The following PLCB4 variants were observed in gnomAD, a reference collection of about 807,000 sequenced individuals.
PLCB4 encodes 1-phosphatidylinositol 4,5-bisphosphate phosphodiesterase beta-4.
Under a neutral mutation model 178.8 loss-of-function variants are expected in PLCB4, and 77 were observed. The ratio of observed to expected loss-of-function variants is 0.43; its 90% CI spans 0.36 to 0.52. The LOEUF (loss-of-function observed/expected upper bound fraction) is 0.52, where lower values mean the gene tolerates loss of function less well. PLCB4 is among the 20% of genes least tolerant of loss of function. The pLI is 0.00. For synonymous variants in PLCB4, 496 were observed against 490.8 expected, an observed-to-expected ratio of 1.01 and a Z score of -0.14; for missense variants, 1,024 against 1,453.4, an observed-to-expected ratio of 0.70 and a Z score of 4.80.
In PLCB4 at chr20:9,419,918, C is replaced by G. The variant is rs199598049; in HGVS notation, c.2154+9C>G. 718 of 1,541,338 alleles carry G rather than the reference C, an allele frequency of 4.7e-4. No individual in the cohort carries two copies. The highest frequency in any genetic ancestry group is 6.0e-4 in the Non-Finnish European group (668 of 1,113,728). On this transcript the variant is annotated intron_variant, in intron 26 of 39. Coordinates refer to ENST00000378473, the MANE Select transcript of PLCB4 (RefSeq NM_001377142.1). ...CCACTTGCTCAGTGCAGGTAAGGCC[C>G]CTGCTCATCACAAGGTAGTATAAAT...
At position 9,425,051 on chromosome 20, in the gene PLCB4, T is replaced by TAA. The variant is rs397830384; in HGVS notation, c.2524+1110_2524+1111dup. ...CTTCCTCCTTCTCCTTTGTCTTTCA[T>TAA]AAAAAAAAAAAAGGAAGCACATTAG... On this transcript the variant is annotated intron_variant, in intron 28 of 39. Transcript: ENST00000378473. 7.7e-3 allele frequency among the ~76,000 whole-genome samples: 1,033 copies of TAA among 133,904 alleles called. 10 individuals are homozygous for TAA. Among genetic ancestry groups the TAA allele is most frequent in the African/African-American group, 0.026 (956 of 37,110 alleles). 87.8% of individuals were successfully genotyped at this position (133,904 alleles called of 152,430 possible). A position where few individuals can be genotyped will look rare whatever the true frequency, so the allele number is the denominator to read the frequency against.
chr20:9,179,688 A>G (rs1210766404), intron 2 of PLCB4, among the ~76,000 whole-genome samples: 10 of 152,168 alleles, frequency 6.6e-5, no homozygotes, highest in Admixed American at 5.9e-4. Context: ...GGCAGTCTAG[A>G]CTTGTGGGCA....
At chr20:9,248,677 C>G (rs562866067) in intron 3 of PLCB4, among the ~76,000 whole-genome samples, 1 of 152,270 alleles carries the variant, frequency 6.6e-6, no homozygotes, top group South Asian at 2.1e-4. Context: ...TTTTAACACA[C>G]TGAGAACTAT....
chr20:9,071,433 C>T (rs893842908), intron 1 of PLCB4, among the ~76,000 whole-genome samples: 2 of 152,158 alleles, frequency 1.3e-5, no homozygotes, highest in Non-Finnish European at 2.9e-5. Context: ...ACCTCACCCT[C>T]TAAGTAAAAT....
In PLCB4 at chr20:9,116,148, CGT is replaced by C. The variant is rs913318688; in HGVS notation, c.-79+19821_-79+19822del. ...GATATTGTATCCGTGTGTGTGTGCG[CGT>C]GTGTGTGTGTGTGTATGGCTTCAAA... is the stretch of plus-strand genomic sequence containing the variant. On this transcript the variant is annotated intron_variant, in intron 2 of 39. Coordinates refer to ENST00000378473, the MANE Select transcript of PLCB4 (RefSeq NM_001377142.1). Among the ~76,000 whole-genome samples the C allele has an allele frequency of 3.8e-3, 573 of 150,558 alleles. 3 individuals are homozygous for C. Among genetic ancestry groups the C allele is most frequent in the African/African-American group, 0.011 (459 of 41,036 alleles).
intron 3 of PLCB4, among the ~76,000 whole-genome samples, chr20:9,291,720 T>C (rs2094581273): frequency 6.6e-6 from 1 of 152,122 alleles, no homozygotes; most frequent in South Asian, 2.1e-4. Context: ...TAAATGACCT[T>C]GTGTGAGATT....
intron 9 of PLCB4, among the ~76,000 whole-genome samples, chr20:9,367,296 C>A (rs1470655481): frequency 6.6e-6 from 1 of 152,068 alleles, no homozygotes; most frequent in Non-Finnish European, 1.5e-5. Flanking sequence ...TTATTGAGGG[C>A]TTGTTGAGTC....
chr20:9,080,645 C>G (rs1389562735), intron 1 of PLCB4, among the ~76,000 whole-genome samples: 1 of 152,134 alleles, frequency 6.6e-6, no homozygotes, highest in African/African-American at 2.4e-5. Context: ...CTCTGGAGGT[C>G]TCTACATTGC....
At chr20:9,350,651 C>T (rs574010711) in intron 7 of PLCB4, among the ~76,000 whole-genome samples, 5 of 152,274 alleles carry the variant, frequency 3.3e-5, no homozygotes, top group South Asian at 2.1e-4. Context: ...CTCTGCCTCC[C>T]GGGTTCAAGT....
chr20:9,169,555 C>A (rs2093029920), intron 2 of PLCB4, among the ~76,000 whole-genome samples: 1 of 151,672 alleles, frequency 6.6e-6, no homozygotes, highest in Admixed American at 6.6e-5. Context: ...TGCCACTGCG[C>A]TCCAGCCTGG....
intron 1 of PLCB4, among the ~76,000 whole-genome samples, chr20:9,071,588 A>G (rs1310433245): frequency 2.0e-5 from 3 of 152,200 alleles, no homozygotes; most frequent in Admixed American, 6.5e-5. Flanking sequence ...TTTCAGATGT[A>G]GCTGGAAAAC....
chr20:9,143,151 CT>C lies in PLCB4; in HGVS notation c.-79+46811del, dbSNP rs146147091. Among the ~76,000 whole-genome samples, 581 of 152,198 alleles carry C rather than the reference CT, an allele frequency of 3.8e-3. 11 individuals carry two copies. The East Asian group carries it at 0.05, about 13-fold the overall frequency. ...CCTGTGACTTGTACCTGTCCCTTTC[CT>C]TACTTTAGTCTTTTTCCTCCATAAC... On this transcript the variant is annotated intron_variant, in intron 2 of 39. Transcript: ENST00000378473.
At chr20:9,080,295 AC>A (rs1303116771) in intron 1 of PLCB4, among the ~76,000 whole-genome samples, 1 of 152,188 alleles carries the variant, frequency 6.6e-6, no homozygotes, top group African/African-American at 2.4e-5. Context: ...TCCTGAATGA[AC>A]AAGCAATGGA....
chr20:9,182,136 C>T (rs182739178), intron 2 of PLCB4, among the ~76,000 whole-genome samples: 1 of 152,278 alleles, frequency 6.6e-6, no homozygotes, highest in African/African-American at 2.4e-5. Context: ...TGATCATTAG[C>T]TGGAGTGGTT....
intron 1 of PLCB4, among the ~76,000 whole-genome samples, chr20:9,095,383 A>G (rs2090865665): frequency 6.6e-6 from 1 of 152,100 alleles, no homozygotes; most frequent in South Asian, 2.1e-4. Context: ...TCTATATATC[A>G]TTATCCCCAT....
chr20:9,386,171 G>A (rs2037639432), intron 14 of PLCB4, among the ~76,000 whole-genome samples: 1 of 151,992 alleles, frequency 6.6e-6, no homozygotes, highest in Non-Finnish European at 1.5e-5. Flanking sequence ...GAGAACCACG[G>A]AAGTCCGGGG....
intron 14 of PLCB4, among the ~76,000 whole-genome samples, chr20:9,385,286 A>G (rs1014577026): frequency 6.6e-6 from 1 of 151,246 alleles, no homozygotes; most frequent in African/African-American, 2.4e-5. Context: ...CAAAACCGCC[A>G]TCGTCATCAT....
intron 28 of PLCB4, among the ~76,000 whole-genome samples, chr20:9,432,758 T>C (rs564408350): frequency 4.2e-4 from 64 of 152,312 alleles, no homozygotes; most frequent in Non-Finnish European, 8.1e-4. Context: ...AGCCATGTGG[T>C]TCTCCTAACA....
chr20:9,444,715 T>C (rs2042308188), intron 32 of PLCB4, among the ~76,000 whole-genome samples: 1 of 152,092 alleles, frequency 6.6e-6, no homozygotes, highest in Non-Finnish European at 1.5e-5. Flanking sequence ...TGAGCTGAGA[T>C]CGTGCCATTG....
Sources: gnomAD v4.1 joint callset for allele counts (sites outside exome capture counted in the v4.1 genomes callset) on GRCh38, gnomAD v4.1.1 for gene constraint, MANE v1.5 for transcripts, NCBI Gene and HGNC (gene_info 2026-07-23, HGNC 2026-07-21) for gene names.